AAK1: variants seen among roughly 807,000 people sequenced by gnomAD.
AAK1 encodes AP2 associated kinase 1.
AAK1 carries 37 observed loss-of-function variants against 116.0 expected under a neutral mutation model. The observed-to-expected ratio is 0.32, with a 90% CI of 0.25 to 0.42. AAK1 has a LOEUF of 0.42. Among genes scored for constraint, AAK1 ranks in the 10% least tolerant of loss-of-function variants. AAK1 has a pLI of 1.00. For missense variants in AAK1, 919 were observed against 1,170.6 expected (o/e 0.79, Z 3.14); for synonymous variants, 458 against 439.9 (o/e 1.04, Z -0.51).
In AAK1 at chr2:69,514,633, C is replaced by G; in HGVS notation, c.1614G>C (p.Gln538His). 1 of 1,461,144 alleles carries G rather than the reference C, an allele frequency of 6.8e-7. No individual in the cohort carries two copies. Among genetic ancestry groups the G allele is most frequent in the Non-Finnish European group, 9.4e-7 (1 of 1,059,076 alleles). The allele number at this position is 1,461,144 out of a possible 1,614,324, so 90.5% of individuals were successfully genotyped here. ...MQNFYQQQQQ[Q>H]QQQQQQQQLA... Reference sequence around the variant, plus strand: ...GCTGTTGCTGTTGCTGTTGTTGTTGCTGCTGCTGCTGCTGCTGGTAGAAAT... The same window carrying G: ...GCTGTTGCTGTTGCTGTTGTTGTTGGTGCTGCTGCTGCTGCTGGTAGAAAT... Residue 538 changes from glutamine (Q) to histidine (H), a missense_variant, in exon 13 of 22, where the codon CAG becomes CAC. Transcript: ENST00000409085.
intron 2 of AAK1, among the ~76,000 whole-genome samples, chr2:69,592,272 T>C (rs1673067833): frequency 6.6e-6 from 1 of 152,222 alleles, no homozygotes; most frequent in African/African-American, 2.4e-5. Context: ...ATCATACCAC[T>C]GCTTCTCAAG....
chr2:69,593,214 A>C (rs1218785042), intron 2 of AAK1, among the ~76,000 whole-genome samples: 1 of 152,198 alleles, frequency 6.6e-6, no homozygotes, highest in Non-Finnish European at 1.5e-5. Context: ...ATATTTAAAG[A>C]TGCTTTATGC....
chr2:69,599,249 G>T (rs533358260), intron 2 of AAK1, among the ~76,000 whole-genome samples: 1 of 152,226 alleles, frequency 6.6e-6, no homozygotes, highest in South Asian at 2.1e-4. Flanking sequence ...TTTCTTAAAA[G>T]TGACAGTGAA....
Position 69,626,622 on chromosome 2 carries a change from C to G in AAK1, c.163+16256G>C, listed in dbSNP as rs537339972. On this transcript the variant is annotated intron_variant, in intron 2 of 21. Coordinates refer to ENST00000409085, the MANE Select transcript of AAK1 (RefSeq NM_014911.5). ...TCAAGCGATCTTCCCACCTCAGCCT[C>G]CTAAGTAGGTGGGACTATAGGTGCA... Among the ~76,000 whole-genome samples, 5 of 151,334 alleles carry G rather than the reference C, an allele frequency of 3.3e-5. No individual in the cohort carries two copies. The East Asian group carries it at 9.7e-4, about 29-fold the overall frequency.
chr2:69,512,895 A>G (rs1403567851), intron 13 of AAK1, among the ~76,000 whole-genome samples: 2 of 152,202 alleles, frequency 1.3e-5, no homozygotes, highest in Non-Finnish European at 2.9e-5. Flanking sequence ...AGCATTTGTT[A>G]TAATTAAACT....
chr2:69,620,225 G>C (rs2048256), intron 2 of AAK1, among the ~76,000 whole-genome samples: 39,191 of 152,094 alleles, frequency 0.26, 5,620 homozygotes, highest in East Asian at 0.54. Flanking sequence ...TGAATGACAA[G>C]AGGTTTTTGG....
chr2:69,605,269 A>C (rs990681031), intron 2 of AAK1, among the ~76,000 whole-genome samples: 2 of 152,092 alleles, frequency 1.3e-5, no homozygotes, highest in African/African-American at 4.8e-5. Context: ...TTCAACAACA[A>C]ATTTCTCAAG....
chr2:69,600,612 T>A (rs1673533698), intron 2 of AAK1, among the ~76,000 whole-genome samples: 1 of 152,136 alleles, frequency 6.6e-6, no homozygotes, highest in Non-Finnish European at 1.5e-5. Flanking sequence ...AAAAAAGTGG[T>A]TTCTTGAGAT....
Position 69,551,163 on chromosome 2 carries a change from GT to G in AAK1, c.282+5696del, listed in dbSNP as rs1671166986. 2.0e-5 allele frequency among the ~76,000 whole-genome samples: 3 copies of G among 151,796 alleles called. No homozygotes were observed. The South Asian group carries it at 6.2e-4, about 31-fold the overall frequency. On this transcript the variant is annotated intron_variant, in intron 3 of 21. Coordinates refer to ENST00000409085, the MANE Select transcript of AAK1 (RefSeq NM_014911.5). ...CAAAGCATCTTTGAAAATAATCTGTGTTCTCACTTATAAATGGGAGCTAAAT... is the reference window on the plus strand; with the variant it reads ...CAAAGCATCTTTGAAAATAATCTGTGTCTCACTTATAAATGGGAGCTAAAT...
chr2:69,531,863 A>T, intron 6 of AAK1, 178 bp downstream of exon 6: 1 of 1,282,230 alleles, frequency 7.8e-7, no homozygotes, highest in Admixed American at 2.6e-5. Flanking sequence ...ATGCCTGTAA[A>T]CCCCCTCCTC....
chr2:69,599,379 T>TAAAAATTTAAAAATTTA (rs1673454042), intron 2 of AAK1, among the ~76,000 whole-genome samples: 3 of 103,562 alleles, frequency 2.9e-5, no homozygotes, highest in African/African-American at 9.3e-5. Context: ...TAGTTCTGTG[T>TAAAAATTTAAAAATTTA]AAAAAAAAAA....
At chr2:69,531,759 A>T in intron 6 of AAK1, 2 of 1,136,804 alleles carry the variant, frequency 1.8e-6, no homozygotes, top group South Asian at 2.6e-5. Context: ...AGCTTTTTAT[A>T]GGCTCTGTGA....
chr2:69,619,103 T>C (rs1048749543), intron 2 of AAK1, among the ~76,000 whole-genome samples: 1 of 152,196 alleles, frequency 6.6e-6, no homozygotes, highest in Admixed American at 6.5e-5. Context: ...TAAATCCACC[T>C]GCTCTGTTCC....
intron 2 of AAK1, among the ~76,000 whole-genome samples, chr2:69,587,368 TACAC>T (rs1199648177): frequency 9.7e-6 from 1 of 103,216 alleles, no homozygotes; most frequent in Non-Finnish European, 1.8e-5. Context: ...CATATGCGTG[TACAC>T]ACACATATAT....
At chr2:69,477,917 C>T (rs909761649) in intron 20 of AAK1, among the ~76,000 whole-genome samples, 1 of 152,196 alleles carries the variant, frequency 6.6e-6, no homozygotes, top group Non-Finnish European at 1.5e-5. Flanking sequence ...AGACTACTTT[C>T]ACTACCCAAT....
intron 2 of AAK1, among the ~76,000 whole-genome samples, chr2:69,584,573 T>C (rs1168565798): frequency 6.6e-6 from 1 of 152,166 alleles, no homozygotes; most frequent in Non-Finnish European, 1.5e-5. Context: ...CAATCCCCAG[T>C]TGCACTGGTT....
intron 2 of AAK1, chr2:69,594,786 T>C (rs1266797447): frequency 2.6e-6 from 3 of 1,157,096 alleles, no homozygotes; most frequent in African/African-American, 3.0e-5. Flanking sequence ...CTCCTCCCAG[T>C]TCAGAATGCT....
At chr2:69,633,007 T>C (rs1675265293) in intron 2 of AAK1, among the ~76,000 whole-genome samples, 1 of 151,072 alleles carries the variant, frequency 6.6e-6, no homozygotes, top group Non-Finnish European at 1.5e-5. Flanking sequence ...CACTACAGCC[T>C]GGGTGACAGA....
intron 2 of AAK1, among the ~76,000 whole-genome samples, chr2:69,602,317 A>T (rs904548895): frequency 1.3e-5 from 2 of 152,064 alleles, no homozygotes; most frequent in African/African-American, 4.8e-5. Flanking sequence ...ATTAGATAAC[A>T]GTTTATATCA....
Sources: allele counts gnomAD v4.1 joint callset (sites outside exome capture counted in the v4.1 genomes callset), GRCh38; gene constraint gnomAD v4.1.1; transcripts MANE v1.5; gene names NCBI Gene and HGNC (gene_info 2026-07-23, HGNC 2026-07-21).